The following APELA variants were observed in gnomAD, a reference collection of about 807,000 sequenced individuals.
APELA encodes the protein protein Elabela.
At chr4:164,897,817 C>T (rs769888619), downstream of APELA, among the ~76,000 whole-genome samples, 5 of 152,270 alleles carry the variant, frequency 3.3e-5, no homozygotes, top group East Asian at 1.9e-4. Flanking sequence ...TTTTATTCAC[C>T]GGGAGGTAAA....
At chr4:164,886,989 C>A (rs1238668500) in intron 2 of APELA, among the ~76,000 whole-genome samples, 3 of 151,850 alleles carry the variant, frequency 2.0e-5, no homozygotes, top group Non-Finnish European at 4.4e-5. Context: ...CCAGGCCTGG[C>A]TAATTTTTTT....
chr4:164,883,399 C>A lies in APELA; in HGVS notation c.*1+4390C>A, dbSNP rs1730698005. On this transcript the variant is annotated intron_variant, in intron 2 of 2. Transcript: ENST00000507152. Reference sequence around the variant, plus strand: ...TCTTACTTCAAGTGAAATAGGAGGTCATTAAGCCTCAAAATCCAACCTCGC... The same window carrying A: ...TCTTACTTCAAGTGAAATAGGAGGTAATTAAGCCTCAAAATCCAACCTCGC... 2.6e-5 allele frequency among the ~76,000 whole-genome samples: 4 copies of A among 152,048 alleles called. No homozygotes were observed. In the South Asian group the frequency reaches 6.2e-4, roughly 24 times the overall value.
At chr4:164,885,520 C>T (rs1279794985) in intron 2 of APELA, among the ~76,000 whole-genome samples, 5 of 151,804 alleles carry the variant, frequency 3.3e-5, no homozygotes, top group Non-Finnish European at 5.9e-5. Context: ...GTGGGCAGAT[C>T]GCTTGAGGTC....
chr4:164,894,953 T>C lies in APELA; in HGVS notation c.*2-463T>C, dbSNP rs181439017. On this transcript the variant is annotated intron_variant, in intron 2 of 2. Coordinates refer to ENST00000507152, the MANE Select transcript of APELA (RefSeq NM_001297550.2). ...CCCACTATGACTGTGAGATGTGAAG[T>C]GAAAGTGAAATGTGAAGGAGGTGGA... Among the ~76,000 whole-genome samples, 489 of 152,170 alleles carry C rather than the reference T, an allele frequency of 3.2e-3. 3 individuals carry two copies. The highest frequency in any genetic ancestry group is 9.4e-3 in the African/African-American group (389 of 41,522).
chr4:164,890,231 G>A (rs1730853554), intron 2 of APELA, among the ~76,000 whole-genome samples: 1 of 152,166 alleles, frequency 6.6e-6, no homozygotes, highest in Non-Finnish European at 1.5e-5. Flanking sequence ...GGATATGCAT[G>A]TTTAATTTTT....
intron 1 of APELA, among the ~76,000 whole-genome samples, chr4:164,878,515 G>C (rs954486418): frequency 3.3e-5 from 5 of 152,208 alleles, no homozygotes; most frequent in Non-Finnish European, 7.4e-5. Flanking sequence ...ATTGTTTACA[G>C]CAGTCACTAT....
intron 2 of APELA, among the ~76,000 whole-genome samples, chr4:164,890,431 C>G (rs1226611921): frequency 6.6e-6 from 1 of 152,202 alleles, no homozygotes; most frequent in Non-Finnish European, 1.5e-5. Context: ...TCCTGGACAG[C>G]CACTAACCTA....
In APELA at chr4:164,895,564, A is replaced by G. The variant is rs561232009; in HGVS notation, c.*150A>G. 4 of 152,336 alleles carry G rather than the reference A, an allele frequency of 2.6e-5. No homozygotes were observed. The South Asian group carries it at 8.3e-4, about 32-fold the overall frequency. 9.4% of individuals were successfully genotyped at this position (152,336 alleles called of 1,614,324 possible). On this transcript the variant is annotated 3_prime_UTR_variant, in exon 3 of 3. Transcript: ENST00000507152. ...AAAGGATCATTTGAAAGCACCTGGA[A>G]TGGTTTATTAGCTTCACAGGATTTT...
Position 164,896,681 on chromosome 4 carries a change from G to C in APELA, c.*1267G>C, listed in dbSNP as rs1730981256. 4 of 152,100 alleles carry C rather than the reference G, an allele frequency of 2.6e-5. No homozygotes were observed. Among genetic ancestry groups the C allele is most frequent in the Non-Finnish European group, 5.9e-5 (4 of 68,040 alleles). 9.4% of individuals were successfully genotyped at this position (152,100 alleles called of 1,614,324 possible). A position where few individuals can be genotyped will look rare whatever the true frequency, so the allele number is the denominator to read the frequency against. On this transcript the variant is annotated 3_prime_UTR_variant, in exon 3 of 3. Transcript: ENST00000507152. ...GTTGATAACTAGGTGTTCCCCAGATGCTAAGATGTTCTTAATTTGTATTTA... is the reference window on the plus strand; with the variant it reads ...GTTGATAACTAGGTGTTCCCCAGATCCTAAGATGTTCTTAATTTGTATTTA...
chr4:164,885,342 G>A (rs1227553552), intron 2 of APELA, among the ~76,000 whole-genome samples: 2 of 152,078 alleles, frequency 1.3e-5, no homozygotes, highest in Non-Finnish European at 2.9e-5. Context: ...TGTTGGCCAG[G>A]TTGGTCTCGA....
intron 2 of APELA, among the ~76,000 whole-genome samples, chr4:164,884,113 G>GAAAT: frequency 4.1e-5 from 1 of 24,602 alleles, no homozygotes; most frequent in Non-Finnish European, 7.6e-5. Context: ...ATGAAAGAAA[G>GAAAT]AAAGAAAGAG....
intron 2 of APELA, among the ~76,000 whole-genome samples, chr4:164,892,581 C>T (rs957777937): frequency 6.6e-6 from 1 of 152,122 alleles, no homozygotes; most frequent in Non-Finnish European, 1.5e-5. Flanking sequence ...TATTGGTCTG[C>T]ACTTTTCTTA....
At chr4:164,891,238 A>G (rs1265744013) in intron 2 of APELA, among the ~76,000 whole-genome samples, 2 of 152,144 alleles carry the variant, frequency 1.3e-5, no homozygotes, top group African/African-American at 2.4e-5. Context: ...TATTGACATC[A>G]AATTAGTCTA....
intron 2 of APELA, among the ~76,000 whole-genome samples, chr4:164,886,971 ACC>A (rs1560859238): frequency 6.6e-6 from 1 of 151,784 alleles, no homozygotes; most frequent in East Asian, 1.9e-4. Context: ...GATTACAGGC[ACC>A]TGCCACCAGG....
chr4:164,895,034 A>T (rs1008005321), intron 2 of APELA, among the ~76,000 whole-genome samples: 1 of 152,144 alleles, frequency 6.6e-6, no homozygotes, highest in Non-Finnish European at 1.5e-5. Context: ...GGGTCCCAAA[A>T]GAAACTACCT....
At chr4:164,880,873 T>A (rs1219228754) in intron 2 of APELA, among the ~76,000 whole-genome samples, 2 of 152,218 alleles carry the variant, frequency 1.3e-5, no homozygotes, top group Non-Finnish European at 2.9e-5. Context: ...CTATGCAAAC[T>A]ACTTAATAAT....
At chr4:164,887,333 C>T (rs1037307034) in intron 2 of APELA, among the ~76,000 whole-genome samples, 1 of 152,070 alleles carries the variant, frequency 6.6e-6, no homozygotes, top group Non-Finnish European at 1.5e-5. Flanking sequence ...GCCAATCCTT[C>T]ATATGTGCTG....
At chr4:164,878,642 T>C (rs1404607434) in intron 1 of APELA, among the ~76,000 whole-genome samples, 3 of 152,160 alleles carry the variant, frequency 2.0e-5, no homozygotes. Flanking sequence ...GAAAAAATCA[T>C]TCAAAAGGAG....
rs1388437787 is a variant in APELA, at chr4:164,896,234, T to C, written c.*820T>C. On this transcript the variant is annotated 3_prime_UTR_variant, in exon 3 of 3. Transcript: ENST00000507152. ...TCAACCTCCCAATTATAGGCTGGGA[T>C]TACAGGTGTGCACCACTACACCCAG... 2.0e-5 allele frequency: 3 copies of C among 152,136 alleles called. No homozygotes were observed. Among genetic ancestry groups the C allele is most frequent in the African/African-American group, 7.2e-5 (3 of 41,426 alleles). 9.4% of individuals were successfully genotyped at this position (152,136 alleles called of 1,614,324 possible). A position where few individuals can be genotyped will look rare whatever the true frequency, so the allele number is the denominator to read the frequency against.
Sources: allele counts gnomAD v4.1 joint callset (sites outside exome capture counted in the v4.1 genomes callset), GRCh38; gene constraint gnomAD v4.1.1; transcripts MANE v1.5; gene names NCBI Gene and HGNC (gene_info 2026-07-23, HGNC 2026-07-21).